Variants in CCDC171 observed in about 807,000 individuals in gnomAD.
CCDC171 encodes coiled-coil domain containing 171, also known as coiled-coil domain-containing protein 171.
CCDC171 carries 177 observed loss-of-function variants against 168.2 expected under a neutral mutation model. The ratio of observed to expected loss-of-function variants is 1.05; its 90% CI spans 0.93 to 1.19. CCDC171 has a LOEUF of 1.19. Ranked by LOEUF, CCDC171 falls within the 50% of genes most tolerant of loss-of-function variation. The pLI is 0.00. For synonymous variants in CCDC171, 687 were observed against 540.8 expected, an observed-to-expected ratio of 1.27 and a Z score of -3.75; for missense variants, 1,991 against 1,539.0, an observed-to-expected ratio of 1.29 and a Z score of -4.91.
chr9:15,919,020 T>C (rs1824944508), intron 24 of CCDC171, among the ~76,000 whole-genome samples: 1 of 151,646 alleles, frequency 6.6e-6, no homozygotes, highest in Non-Finnish European at 1.5e-5. Context: ...AAGTAGCTTC[T>C]CAGTCTAGTA....
chr9:15,702,902 GTTT>G (rs35364758), intron 11 of CCDC171, among the ~76,000 whole-genome samples: 3 of 143,120 alleles, frequency 2.1e-5, no homozygotes, highest in Admixed American at 6.9e-5. Flanking sequence ...TAGGGCCTTG[GTTT>G]TTTTTTTTTT....
rs1564344276 is a variant in CCDC171 at position 15,751,248 on chromosome 9, A to G, written c.2671+5617A>G. On this transcript the variant is annotated intron_variant, in intron 18 of 25. Coordinates refer to ENST00000380701, the MANE Select transcript of CCDC171 (RefSeq NM_173550.4). ...GGATGTGAAGGACCTCTTCAAGGAG[A>G]ACTACAAACCACTGCTCAACGAAAT... Among the ~76,000 whole-genome samples the G allele has an allele frequency of 2.0e-5, 3 of 152,200 alleles. No individual in the cohort carries two copies. In the South Asian group the frequency reaches 6.2e-4, roughly 32 times the overall value.
At chr9:15,920,976 T>A (rs1825243285) in intron 25 of CCDC171, among the ~76,000 whole-genome samples, 3 of 151,412 alleles carry the variant, frequency 2.0e-5, no homozygotes, top group South Asian at 2.1e-4. Context: ...AAAAAAAAAA[T>A]TTCTCTACTT....
intron 18 of CCDC171, among the ~76,000 whole-genome samples, chr9:15,770,610 A>G (rs1440645159): frequency 6.6e-6 from 1 of 152,218 alleles, no homozygotes; most frequent in East Asian, 1.9e-4. Context: ...AATACAATAT[A>G]AATGGGAGTT....
intron 1 of CCDC171, among the ~76,000 whole-genome samples, chr9:16,045,672 C>G (rs567060397): frequency 6.6e-6 from 1 of 152,300 alleles, no homozygotes; most frequent in Non-Finnish European, 1.5e-5. Context: ...TCTTCTAGAG[C>G]CAGAGCAGCA....
chr9:15,623,076 A>G (rs2044635706), intron 6 of CCDC171, among the ~76,000 whole-genome samples, 191 bp from the exon 7 acceptor site: 2 of 152,190 alleles, frequency 1.3e-5, no homozygotes, highest in Non-Finnish European at 2.9e-5. Flanking sequence ...CTAAAACTTC[A>G]GTATTGCTTT....
At chr9:15,913,058 G>C (rs1480240662) in intron 24 of CCDC171, among the ~76,000 whole-genome samples, 1 of 152,350 alleles carries the variant, frequency 6.6e-6, no homozygotes, top group African/African-American at 2.4e-5. Context: ...CTCATAAAAT[G>C]AGTTAGGGAG....
chr9:16,001,618 G>A (rs1167118700), intron 3 of CCDC171, among the ~76,000 whole-genome samples: 1 of 152,028 alleles, frequency 6.6e-6, no homozygotes. Flanking sequence ...TGGTCCCAAT[G>A]GTGGTCCCAT....
chr9:16,054,476 G>A (rs902139270), intron 1 of CCDC171, among the ~76,000 whole-genome samples: 3 of 152,120 alleles, frequency 2.0e-5, no homozygotes, highest in South Asian at 4.2e-4. Context: ...CAGGCATAGC[G>A]AGTCCCATAA....
intron 21 of CCDC171, among the ~76,000 whole-genome samples, chr9:15,792,741 A>C (rs1354197412): frequency 6.6e-6 from 1 of 152,168 alleles, no homozygotes; most frequent in African/African-American, 2.4e-5. Context: ...TAAGCGAAGG[A>C]GAAATAAAAT....
chr9:16,086,091 T>C, the CCDC171 span, among the ~76,000 whole-genome samples: 1 of 152,184 alleles, frequency 6.6e-6, no homozygotes, highest in African/African-American at 2.4e-5. Context: ...CTGGACTTTT[T>C]TTGATTTGTA....
chr9:15,892,365 A>C (rs1820331214), intron 24 of CCDC171, among the ~76,000 whole-genome samples: 1 of 152,034 alleles, frequency 6.6e-6, no homozygotes, highest in South Asian at 2.1e-4. Flanking sequence ...TATTATTTTG[A>C]GGTGTGTTCC....
At chr9:15,850,455 GA>G (rs1238547843) in intron 23 of CCDC171, 1 of 151,950 alleles carries the variant, frequency 6.6e-6, no homozygotes, top group East Asian at 1.9e-4. Context: ...CATATGGAAA[GA>G]AAGCTGTCTG....
intron 25 of CCDC171, among the ~76,000 whole-genome samples, chr9:15,949,238 GT>G (rs1290366335): frequency 1.3e-5 from 2 of 152,140 alleles, no homozygotes; most frequent in Non-Finnish European, 2.9e-5. Context: ...TTGTAGTATA[GT>G]TTGAAGTCAG....
chr9:15,908,869 C>T (rs867067743), intron 24 of CCDC171, among the ~76,000 whole-genome samples: 11 of 152,246 alleles, frequency 7.2e-5, no homozygotes, highest in Middle Eastern at 3.4e-3. Flanking sequence ...CATGAGGGAT[C>T]TCCGCTCATG....
chr9:15,819,874 C>T lies in CCDC171; in HGVS notation c.3268-26828C>T, dbSNP rs1156556344. On this transcript the variant is annotated intron_variant, in intron 21 of 25. Coordinates refer to ENST00000380701, the MANE Select transcript of CCDC171 (RefSeq NM_173550.4). The stretch of plus-strand genomic sequence containing the variant: ...ATCTACAGAACTCTCCACCCCAAAT[C>T]AATAGAATACACATTCTTTTCAGCA... Among the ~76,000 whole-genome samples the T allele has an allele frequency of 1.7e-5, 2 of 117,866 alleles. 1 individual carries two copies. The highest frequency in any genetic ancestry group is 3.8e-5 in the Non-Finnish European group (2 of 52,486). The allele number at this position is 117,866 out of a possible 152,430, so 77.3% of individuals were successfully genotyped here.
chr9:15,900,601 G>A (rs115439812), intron 24 of CCDC171, among the ~76,000 whole-genome samples: 3,369 of 152,254 alleles, frequency 0.022, 131 homozygotes, highest in African/African-American at 0.077. Flanking sequence ...AAGCCTTTAA[G>A]TTTCTGGTAA....
chr9:16,097,772 G>T, the CCDC171 span, among the ~76,000 whole-genome samples: 5 of 152,192 alleles, frequency 3.3e-5, no homozygotes, highest in Admixed American at 6.5e-5. Flanking sequence ...ATAAATAAGT[G>T]CATCTCTCAG....
chr9:15,955,337 A>G (rs1224709063), intron 25 of CCDC171, among the ~76,000 whole-genome samples: 2 of 152,168 alleles, frequency 1.3e-5, no homozygotes, highest in Non-Finnish European at 2.9e-5. Context: ...AATTCCCTGG[A>G]TGTCACTTCA....
Sources: allele counts gnomAD v4.1 joint callset (sites outside exome capture counted in the v4.1 genomes callset), GRCh38; gene constraint gnomAD v4.1.1; transcripts MANE v1.5; gene names NCBI Gene and HGNC (gene_info 2026-07-23, HGNC 2026-07-21).